The following WDR88 variants were observed in gnomAD, a reference collection of about 807,000 sequenced individuals.
WDR88 encodes the protein WD repeat domain 88, also known as WD repeat-containing protein 88.
Under a neutral mutation model 46.8 loss-of-function variants are expected in WDR88, and 40 were observed. The ratio of observed to expected loss-of-function variants is 0.86; its 90% CI spans 0.66 to 1.11. The LOEUF (loss-of-function observed/expected upper bound fraction) is 1.11. WDR88 is among the 50% of genes most tolerant of loss of function. The pLI, the probability that WDR88 is intolerant of heterozygous loss-of-function variation, is 0.00. For missense variants in WDR88, 562 were observed against 602.4 expected (o/e 0.93, Z 0.70); for synonymous variants, 235 against 240.7 (o/e 0.98, Z 0.22).
chr19:33,137,632 G>C, intron 1 of WDR88, 45 bp from the exon 2 acceptor site: 1 of 1,474,386 alleles, frequency 6.8e-7, no homozygotes, highest in East Asian at 2.3e-5. Context: ...CATTGATTTT[G>C]TGTCCTGCAA....
chr19:33,134,726 AGCTCTCCAC>A (rs1294226331), intron 1 of WDR88, among the ~76,000 whole-genome samples: 1 of 151,740 alleles, frequency 6.6e-6, no homozygotes, highest in Non-Finnish European at 1.5e-5. Flanking sequence ...GCCCGGTCCC[AGCTCTCCAC>A]GCTCCCTGGC....
chr19:33,146,013 C>T (rs17833557), intron 3 of WDR88, among the ~76,000 whole-genome samples: 18,107 of 152,056 alleles, frequency 0.12, 1,146 homozygotes, highest in South Asian at 0.21. Flanking sequence ...TTGATCCTTG[C>T]GGGTGTAGAG....
chr19:33,147,319 T>C (rs1056024737), intron 3 of WDR88, among the ~76,000 whole-genome samples: 13 of 150,554 alleles, frequency 8.6e-5, no homozygotes, highest in East Asian at 2.0e-4. Flanking sequence ...GAATCAATGT[T>C]TGGCCAGGCG....
At chr19:33,158,704 T>TC (rs1334575014) in intron 7 of WDR88, among the ~76,000 whole-genome samples, 1 of 152,004 alleles carries the variant, frequency 6.6e-6, no homozygotes, top group Non-Finnish European at 1.5e-5. Context: ...CACCATTTTT[T>TC]TTTGTTGTTG....
rs79834677 is a variant in WDR88, at chr19:33,160,521, A to G, written c.1080+25A>G. On this transcript the variant is annotated intron_variant, in intron 8 of 10. Transcript: ENST00000355868. ...GGTACATGTGGCCAGCATGAGATTG[A>G]GGATCTGAACTTCCCTCCCGAGTCC... The G allele has an allele frequency of 2.3e-5, 37 of 1,613,156 alleles. 2 individuals are homozygous for G. In the East Asian group the frequency reaches 7.4e-4, roughly 32 times the overall value.
intron 9 of WDR88, among the ~76,000 whole-genome samples, chr19:33,171,042 A>G (rs1974030826): frequency 6.6e-6 from 1 of 152,016 alleles, no homozygotes; most frequent in Non-Finnish European, 1.5e-5. Context: ...CTGGAGTGCA[A>G]TGGTGCGATC....
intron 7 of WDR88, among the ~76,000 whole-genome samples, chr19:33,158,807 C>T (rs892051430): frequency 1.3e-5 from 2 of 152,196 alleles, no homozygotes; most frequent in African/African-American, 2.4e-5. Flanking sequence ...TCAAGCGATT[C>T]TCCTGCTTCA....
At chr19:33,173,495 G>A (rs1974074611) in intron 10 of WDR88, among the ~76,000 whole-genome samples, 1 of 152,256 alleles carries the variant, frequency 6.6e-6, no homozygotes, top group Non-Finnish European at 1.5e-5. Context: ...CCTGGCTGCT[G>A]CCTTGGAGTG....
intron 10 of WDR88, chr19:33,174,094 C>T (rs955000083): frequency 1.1e-5 from 16 of 1,431,764 alleles, no homozygotes; most frequent in South Asian, 4.9e-5. Flanking sequence ...TCAAGTGATC[C>T]GCCCGCCTCA....
intron 6 of WDR88, among the ~76,000 whole-genome samples, chr19:33,152,471 C>T (rs1973654721): frequency 6.6e-6 from 1 of 152,128 alleles, no homozygotes; most frequent in Non-Finnish European, 1.5e-5. Context: ...CTCTATGAAT[C>T]TGCCTATTCT....
chr19:33,175,108 G>A (rs1480937477), intron 10 of WDR88: 5 of 729,300 alleles, frequency 6.9e-6, no homozygotes, highest in Admixed American at 6.3e-5. Flanking sequence ...GGTGGTGCAC[G>A]CCTGTAATCC....
chr19:33,142,210 G>A (rs34629831), intron 2 of WDR88, among the ~76,000 whole-genome samples: 169 of 152,172 alleles, frequency 1.1e-3, no homozygotes, highest in Non-Finnish European at 1.9e-3. Flanking sequence ...GAGCCAGCAG[G>A]GGGGGACGAA....
At chr19:33,170,734 T>G (rs12979478) in intron 9 of WDR88, among the ~76,000 whole-genome samples, 1 of 151,994 alleles carries the variant, frequency 6.6e-6, no homozygotes, top group Non-Finnish European at 1.5e-5. Context: ...TGGTGGCGCA[T>G]GCCTGTAGTC....
At chr19:33,174,438 T>C (rs537952381) in intron 10 of WDR88, 4 of 1,372,390 alleles carry the variant, frequency 2.9e-6, no homozygotes, top group Non-Finnish European at 3.8e-6. Context: ...TGGGAACCCC[T>C]GAGGGGCCTC....
intron 6 of WDR88, among the ~76,000 whole-genome samples, chr19:33,154,618 G>A (rs73039485): frequency 0.12 from 18,194 of 152,244 alleles, 1,431 homozygotes; most frequent in Non-Finnish European, 0.18. Flanking sequence ...ATGGGCATTT[G>A]GGTTGACACG....
Position 33,137,796 on chromosome 19 carries a change from C to T in WDR88, c.387+9C>T, listed in dbSNP as rs563170308. 13 of 1,610,778 alleles carry T rather than the reference C, an allele frequency of 8.1e-6. No individual in the cohort carries two copies. In the South Asian group the frequency reaches 1.2e-4, roughly 15 times the overall value. ...GCACTGTGAAGCTGTGGGTAGGTGG[C>T]CGGCTGTTAGGTACTCCTGGAGCGA... On this transcript the variant is annotated intron_variant, in intron 2 of 10. Coordinates refer to ENST00000355868, the MANE Select transcript of WDR88 (RefSeq NM_173479.4).
chr19:33,157,537 A>ATG (rs1491054429), intron 7 of WDR88, among the ~76,000 whole-genome samples: 5 of 107,952 alleles, frequency 4.6e-5, no homozygotes, highest in African/African-American at 5.8e-5. Context: ...ATATATATAT[A>ATG]TATGTATATA....
At chr19:33,137,636 C>A in intron 1 of WDR88, 41 bp from the exon 2 acceptor site, 1 of 1,505,474 alleles carries the variant, frequency 6.6e-7, no homozygotes, top group Non-Finnish European at 9.2e-7. Flanking sequence ...GATTTTGTGT[C>A]CTGCAACATG....
intron 5 of WDR88, among the ~76,000 whole-genome samples, chr19:33,150,142 T>A (rs1307696825): frequency 6.6e-6 from 1 of 152,146 alleles, no homozygotes; most frequent in Non-Finnish European, 1.5e-5. Flanking sequence ...TAAAAAAATG[T>A]GTAATCATTG....
Sources: gnomAD v4.1 joint callset for allele counts (sites outside exome capture counted in the v4.1 genomes callset) on GRCh38, gnomAD v4.1.1 for gene constraint, MANE v1.5 for transcripts, NCBI Gene and HGNC (gene_info 2026-07-23, HGNC 2026-07-21) for gene names.